ZNF536: variants seen among roughly 807,000 people sequenced by gnomAD.
ZNF536 encodes zinc finger protein 536.
A neutral mutation model predicts 84.5 loss-of-function variants in ZNF536; 13 were observed. The ratio of observed to expected loss-of-function variants is 0.15; its 90% CI spans 0.10 to 0.24. The LOEUF is 0.24. Among genes scored for constraint, ZNF536 ranks in the 10% least tolerant of loss-of-function variants. The probability of loss-of-function intolerance (pLI) is 1.00; values close to 1 mark genes in which losing one functional copy is unlikely to be tolerated. For synonymous variants in ZNF536, 811 were observed against 742.5 expected (o/e 1.09, Z -1.50); for missense variants, 1,536 against 1,747.5 (o/e 0.88, Z 2.16).
intron 2 of ZNF536, among the ~76,000 whole-genome samples, chr19:30,288,772 G>C (rs2045734036): frequency 6.6e-6 from 1 of 152,158 alleles, no homozygotes. Flanking sequence ...TTAAAACACT[G>C]CCTGGTTCAA....
At chr19:30,507,276 G>A (rs555557329) in intron 2 of ZNF536, among the ~76,000 whole-genome samples, 6 of 151,994 alleles carry the variant, frequency 3.9e-5, no homozygotes, top group South Asian at 2.1e-4. Context: ...GCCTGAACCC[G>A]GATGGCAGAG....
intron 1 of ZNF536, among the ~76,000 whole-genome samples, chr19:30,681,375 G>A (rs1432084923): frequency 6.6e-6 from 1 of 152,178 alleles, no homozygotes; most frequent in Admixed American, 6.5e-5. Flanking sequence ...GAGCCAGTGT[G>A]GGAGATGTTG....
chr19:30,456,599 C>T (rs983900534), intron 2 of ZNF536, among the ~76,000 whole-genome samples: 2 of 152,166 alleles, frequency 1.3e-5, no homozygotes, highest in Non-Finnish European at 2.9e-5. Flanking sequence ...AGTTCCCTAT[C>T]ACCACGCCAC....
At position 30,309,142 on chromosome 19, in the gene ZNF536, A is replaced by T. The variant is rs150313990; in HGVS notation, c.-120+25001A>T. 1.9e-3 allele frequency among the ~76,000 whole-genome samples: 289 copies of T among 152,346 alleles called. 3 individuals are homozygous for T. Among genetic ancestry groups the T allele is most frequent in the African/African-American group, 6.4e-3 (267 of 41,580 alleles). ...CAAAACAAACAAAAAAGCTATGAAA[A>T]TGCAGAGACTCAAGAGGTCGCCAAG... On this transcript the variant is annotated intron_variant, in intron 2 of 5. Transcript: ENST00000585628.
At chr19:30,599,912 C>G (rs1043454024) in intron 1 of ZNF536, among the ~76,000 whole-genome samples, 1 of 152,072 alleles carries the variant, frequency 6.6e-6, no homozygotes, top group South Asian at 2.1e-4. Flanking sequence ...TGACAAATCT[C>G]CAATCTGAGT....
intron 1 of ZNF536, among the ~76,000 whole-genome samples, chr19:30,680,738 C>A (rs1321320667): frequency 2.0e-5 from 3 of 152,208 alleles, no homozygotes; most frequent in Non-Finnish European, 4.4e-5. Context: ...TTTATAGCAG[C>A]ATGATTTATA....
exon 2 of ZNF536, chr19:30,712,858 G>A (rs2052492576): frequency 1.3e-5 from 2 of 151,256 alleles, no homozygotes; most frequent in African/African-American, 4.9e-5. Context: ...GCACTACTGT[G>A]TTTGGTGACT....
chr19:30,642,591 T>G (rs1295623277), intron 1 of ZNF536, among the ~76,000 whole-genome samples: 1 of 152,176 alleles, frequency 6.6e-6, no homozygotes, highest in African/African-American at 2.4e-5. Context: ...GAGCTGAGCC[T>G]CGGGCTGTCA....
At chr19:30,279,661 G>A (rs1178773396) in intron 1 of ZNF536, among the ~76,000 whole-genome samples, 1 of 152,162 alleles carries the variant, frequency 6.6e-6, no homozygotes, top group Non-Finnish European at 1.5e-5. Flanking sequence ...CCCAGGGGGT[G>A]CACACTGGAG....
chr19:30,266,139 C>A (rs2025500094), intron 1 of ZNF536, among the ~76,000 whole-genome samples: 1 of 152,230 alleles, frequency 6.6e-6, no homozygotes, highest in African/African-American at 2.4e-5. Context: ...GCCTTGAATT[C>A]CTGGGCTCAA....
At chr19:30,603,367 C>A (rs2047760606) in intron 1 of ZNF536, among the ~76,000 whole-genome samples, 1 of 152,148 alleles carries the variant, frequency 6.6e-6, no homozygotes, top group African/African-American at 2.4e-5. Context: ...ACTTCTGGTA[C>A]CTGGCTTATA....
chr19:30,418,993 C>A (rs974148938), intron 1 of ZNF536, among the ~76,000 whole-genome samples: 27 of 152,180 alleles, frequency 1.8e-4, no homozygotes, highest in Non-Finnish European at 2.9e-5. Context: ...AGAAACGATG[C>A]GTGTCCATGA....
In ZNF536 at chr19:30,444,836, A is replaced by G. The variant is rs375360729; in HGVS notation, c.1274A>G (p.Asn425Ser). 1.6e-5 allele frequency: 26 copies of G among 1,613,702 alleles called. No individual in the cohort carries two copies. The highest frequency in any genetic ancestry group is 2.1e-5 in the Non-Finnish European group (25 of 1,180,028). Residue 425 changes from asparagine (N) to serine (S), a missense_variant, in exon 2 of 5, where the codon AAC becomes AGC. Asn to Ser is a conservative substitution (Grantham distance 46). This residue lies in a region of ZNF536 where 366 missense variants were observed against 364.4 expected (regional missense o/e 1.00). Coordinates refer to ENST00000355537, the MANE Select transcript of ZNF536 (RefSeq NM_014717.3). ...MGGMSQEAHA[N>S]LYSRYLSCLQ... ...GGCATGTCCCAGGAGGCCCACGCCA[A>G]CCTGTACTCCAGGTACCTCTCCTGC...
chr19:30,522,684 T>A (rs2145745914), intron 2 of ZNF536, among the ~76,000 whole-genome samples: 1 of 152,256 alleles, frequency 6.6e-6, no homozygotes, highest in Admixed American at 6.5e-5. Flanking sequence ...TGGGATTTAG[T>A]GCTAATAAAC....
intron 2 of ZNF536, among the ~76,000 whole-genome samples, chr19:30,484,250 T>G (rs1035615727): frequency 1.4e-5 from 2 of 146,370 alleles, no homozygotes; most frequent in Non-Finnish European, 3.0e-5. Context: ...TTTTTTGAGA[T>G]GGAGTCTAGC....
Position 30,615,048 on chromosome 19 carries a change from G to A in ZNF536, c.169+65534G>A, listed in dbSNP as rs554444075. On this transcript the variant is annotated intron_variant, in intron 1 of 1. Transcript: ENST00000592773. ...TGCAAGCTCCGCCTCCCGGGTTCAC[G>A]CCATTCTCCTGCCTCAGCCTCCCGT... Among the ~76,000 whole-genome samples, 8 of 133,896 alleles carry A rather than the reference G, an allele frequency of 6.0e-5. No individual in the cohort carries two copies. The East Asian group carries it at 1.1e-3, about 19-fold the overall frequency. The allele number at this position is 133,896 out of a possible 152,430, so 87.8% of individuals were successfully genotyped here.
chr19:30,499,440 T>C (rs1474306615), intron 2 of ZNF536, among the ~76,000 whole-genome samples: 2 of 152,170 alleles, frequency 1.3e-5, no homozygotes, highest in Non-Finnish European at 2.9e-5. Context: ...TCGGTATGTA[T>C]CTTCTGTGTT....
chr19:30,576,651 C>A (rs1257978940), intron 1 of ZNF536, among the ~76,000 whole-genome samples: 1 of 152,230 alleles, frequency 6.6e-6, no homozygotes, highest in African/African-American at 2.4e-5. Context: ...ACCATCCATA[C>A]CCCCTGCCTC....
intron 1 of ZNF536, among the ~76,000 whole-genome samples, chr19:30,375,459 G>T (rs967096842): frequency 5.3e-5 from 8 of 152,098 alleles, no homozygotes; most frequent in Admixed American, 1.3e-4. Context: ...ACCCGGGCGC[G>T]CCCCCGGCCC....
Sources: gnomAD v4.1 joint callset for allele counts (sites outside exome capture counted in the v4.1 genomes callset) on GRCh38, gnomAD v4.1.1 for gene constraint, gnomAD v4.1.1 regional missense constraint, MANE v1.5 for transcripts, NCBI Gene and HGNC (gene_info 2026-07-23, HGNC 2026-07-21) for gene names.